The following DAD1 variants were observed in gnomAD, a reference collection of about 807,000 sequenced individuals.
DAD1 encodes the protein dolichyl-diphosphooligosaccharide--protein glycosyltransferase subunit DAD1.
DAD1 carries 4 observed loss-of-function variants against 9.0 expected under a neutral mutation model. The ratio of observed to expected loss-of-function variants is 0.44; its 90% CI spans 0.22 to 1.01. DAD1 has a LOEUF of 1.01. Ranked by LOEUF, DAD1 falls within the 50% of genes least tolerant of loss-of-function variation. The pLI is 0.24. For synonymous variants in DAD1, 60 were observed against 62.5 expected (o/e 0.96, Z 0.19); for missense variants, 119 against 137.3 (o/e 0.87, Z 0.67).
chr14:22,576,781 A>C (rs1056511647), intron 1 of DAD1, among the ~76,000 whole-genome samples: 3 of 152,310 alleles, frequency 2.0e-5, no homozygotes, highest in Admixed American at 1.3e-4. Context: ...ATTAACAACA[A>C]AATAATAACC....
chr14:22,575,455 C>G (rs1318060498), intron 1 of DAD1, among the ~76,000 whole-genome samples: 1 of 152,102 alleles, frequency 6.6e-6, no homozygotes, highest in African/African-American at 2.4e-5. Flanking sequence ...CATATACAAA[C>G]AATAGAATAT....
chr14:22,573,485 C>T (rs1034226495), intron 2 of DAD1, among the ~76,000 whole-genome samples: 1 of 151,882 alleles, frequency 6.6e-6, no homozygotes, highest in African/African-American at 2.4e-5. Context: ...GAGGCCAAGG[C>T]GGGCGGATCA....
At chr14:22,572,020 T>C (rs1385189537) in intron 2 of DAD1, among the ~76,000 whole-genome samples, 12 of 152,168 alleles carry the variant, frequency 7.9e-5, no homozygotes, top group Non-Finnish European at 1.8e-4. Flanking sequence ...AATAAAATGA[T>C]ATAGAACAAG....
chr14:22,589,115 C>G lies in DAD1; in HGVS notation c.43G>C (p.Glu15Gln). The G allele has an allele frequency of 6.2e-7, 1 of 1,614,222 alleles. No individual in the cohort carries two copies. Among genetic ancestry groups the G allele is most frequent in the Non-Finnish European group, 8.5e-7 (1 of 1,180,036 alleles). ...CGCTGCGGAGTGGAGCTCAAGTACT[C>G]TTCTAAGAACCGCGAAATGACAGAC... ...VVSVISRFLE[E>Q]YLSSTPQRLK... The change falls in exon 1 of 3, where the codon GAG becomes CAG. Residue 15 changes from glutamate to glutamine, a missense_variant. By Grantham distance (29) the Glu-to-Gln change is conservative. Coordinates refer to ENST00000250498, the MANE Select transcript of DAD1 (RefSeq NM_001344.4).
chr14:22,584,656 G>A (rs1419551931), intron 1 of DAD1, among the ~76,000 whole-genome samples: 3 of 152,214 alleles, frequency 2.0e-5, no homozygotes, highest in Non-Finnish European at 4.4e-5. Flanking sequence ...TGACACATGA[G>A]AGTGTTCAGA....
At chr14:22,571,024 T>A (rs116281132) in intron 2 of DAD1, among the ~76,000 whole-genome samples, 88 of 97,566 alleles carry the variant, frequency 9.0e-4, no homozygotes, top group African/African-American at 3.8e-3. Context: ...TTTTTTTTTT[T>A]TAAAAAAGAG....
At chr14:22,565,940 G>A (rs147321287) in intron 2 of DAD1, among the ~76,000 whole-genome samples, 5 of 152,302 alleles carry the variant, frequency 3.3e-5, no homozygotes, top group South Asian at 2.1e-4. Context: ...AATCTCCTAC[G>A]TGTACCATGA....
At chr14:22,569,107 T>C (rs1271485707) in intron 2 of DAD1, among the ~76,000 whole-genome samples, 3 of 152,200 alleles carry the variant, frequency 2.0e-5, no homozygotes, top group South Asian at 2.1e-4. Context: ...AGCATCCAAG[T>C]AACTTAATAA....
At chr14:22,584,166 G>A (rs1273918739) in intron 1 of DAD1, among the ~76,000 whole-genome samples, 1 of 152,062 alleles carries the variant, frequency 6.6e-6, no homozygotes, top group African/African-American at 2.4e-5. Flanking sequence ...CAGCACCTTG[G>A]CAGAGAACCT....
At chr14:22,585,996 G>A (rs1438228016) in intron 1 of DAD1, among the ~76,000 whole-genome samples, 1 of 151,706 alleles carries the variant, frequency 6.6e-6, no homozygotes, top group Non-Finnish European at 1.5e-5. Context: ...CACGAGGTCA[G>A]GAGATCAAGA....
chr14:22,585,988 C>CCT (rs2037149287), intron 1 of DAD1, among the ~76,000 whole-genome samples: 1 of 152,088 alleles, frequency 6.6e-6, no homozygotes, highest in Non-Finnish European at 1.5e-5. Flanking sequence ...GGGCGAATCA[C>CCT]GAGGTCAGGA....
chr14:22,581,898 C>T (rs1043979103), intron 1 of DAD1, among the ~76,000 whole-genome samples: 1 of 151,900 alleles, frequency 6.6e-6, no homozygotes. Context: ...TATAATGGTT[C>T]GCAAGGTTAA....
rs760253119 is a variant in DAD1, at chr14:22,589,075, T to C, written c.83A>G (p.Asp28Gly). The part of the protein sequence containing the change: ...SSTPQRLKLL[D>G]AYLLYILLTG... ...CAGCAGTATATACAGCAGGTACGCG[T>C]CCAGCAACTTCAGACGCTGCGGAGT... The change falls in exon 1 of 3, where the codon GAC (aspartate) becomes GGC (glycine). Residue 28 changes from aspartate (D) to glycine (G), a missense_variant. By Grantham distance (94) the Asp-to-Gly change is moderately conservative. Transcript: ENST00000250498. The C allele has an allele frequency of 6.2e-7, 1 of 1,614,088 alleles. No individual in the cohort carries two copies. Among genetic ancestry groups the C allele is most frequent in the African/African-American group, 1.3e-5 (1 of 74,924 alleles).
At chr14:22,587,618 G>A (rs5742742) in intron 1 of DAD1, among the ~76,000 whole-genome samples, 12,851 of 152,188 alleles carry the variant, frequency 0.084, 681 homozygotes, top group African/African-American at 0.15. Context: ...CAGTACACAA[G>A]TCATTAGATC....
chr14:22,571,671 C>T (rs528068653), intron 2 of DAD1, among the ~76,000 whole-genome samples: 189 of 136,822 alleles, frequency 1.4e-3, no homozygotes, highest in Non-Finnish European at 2.4e-3. Context: ...CTTACTCTTG[C>T]CAGGCTGGAG....
At chr14:22,574,911 T>C (rs2037066002) in intron 2 of DAD1, 148 bp downstream of exon 2, 2 of 592,430 alleles carry the variant, frequency 3.4e-6, no homozygotes, top group Non-Finnish European at 5.8e-6. Context: ...ATTATGATGA[T>C]ATTAATGCAT....
At chr14:22,583,844 T>G (rs2037134617) in intron 1 of DAD1, among the ~76,000 whole-genome samples, 1 of 152,096 alleles carries the variant, frequency 6.6e-6, no homozygotes, top group African/African-American at 2.4e-5. Flanking sequence ...CTGTTATGAT[T>G]CAGTGGTGAA....
chr14:22,569,143 G>T (rs34253874), intron 2 of DAD1, among the ~76,000 whole-genome samples: 14,300 of 152,222 alleles, frequency 0.094, 1,240 homozygotes, highest in African/African-American at 0.23. Context: ...CAGTTAAAAA[G>T]TGTTTATTTG....
chr14:22,585,415 AC>A (rs1566375086), intron 1 of DAD1, among the ~76,000 whole-genome samples: 1 of 152,230 alleles, frequency 6.6e-6, no homozygotes, highest in African/African-American at 2.4e-5. Flanking sequence ...GGTTGCCAAC[AC>A]TGGAATATAA....
Sources: allele counts gnomAD v4.1 joint callset (sites outside exome capture counted in the v4.1 genomes callset), GRCh38; gene constraint gnomAD v4.1.1; transcripts MANE v1.5; gene names NCBI Gene and HGNC (gene_info 2026-07-23, HGNC 2026-07-21).